The following PRAMEF33 variants were observed in gnomAD, a reference collection of about 807,000 sequenced individuals.
The protein encoded by PRAMEF33 is PRAME family member 33.
PRAMEF33 carries 5 observed loss-of-function variants against 28.1 expected under a neutral mutation model. That is an observed-to-expected ratio of 0.18 (90% CI 0.09 to 0.37). The LOEUF (loss-of-function observed/expected upper bound fraction) is 0.37, where lower values mean the gene tolerates loss of function less well. Ranked by LOEUF, PRAMEF33 falls within the 10% of genes least tolerant of loss-of-function variation. PRAMEF33 has a pLI of 1.00. For missense variants in PRAMEF33, 62 were observed against 471.1 expected (o/e 0.13, Z 8.04); for synonymous variants, 28 against 183.2 (o/e 0.15, Z 6.84).
chr1:13,304,364 C>A (rs1290853824), intron 1 of PRAMEF33: 1 of 145,380 alleles, frequency 6.9e-6, no homozygotes, highest in Non-Finnish European at 1.5e-5. Flanking sequence ...GCTCATACCA[C>A]TGCTGTACTC....
chr1:13,304,285 C>T (rs1361393685), intron 1 of PRAMEF33: 1 of 147,836 alleles, frequency 6.8e-6, no homozygotes, highest in Non-Finnish European at 1.5e-5. Flanking sequence ...CATCTGTCTT[C>T]CCAACTGTAT....
chr1:13,304,203 C>G (rs1164162160), intron 1 of PRAMEF33: 2 of 151,000 alleles, frequency 1.3e-5, no homozygotes, highest in African/African-American at 2.4e-5. Context: ...GCTGGGATTA[C>G]AGCCATGAGC....
At chr1:13,307,947 G>T (rs1159896796) in intron 3 of PRAMEF33, 1 of 217,068 alleles carries the variant, frequency 4.6e-6, no homozygotes, top group Non-Finnish European at 9.6e-6. Context: ...CTAATTCCCT[G>T]TCTGTAAAAC....
rs1639902290 is a variant in PRAMEF33 at position 13,308,809 on chromosome 1, G to GATC, written c.1348_1350dup (p.Ile450dup). 6.2e-7 allele frequency: 1 copy of GATC among 1,601,192 alleles called. No individual in the cohort carries two copies. Among genetic ancestry groups the GATC allele is most frequent in the Admixed American group, 1.7e-5 (1 of 59,180 alleles). Reference sequence around the variant, plus strand: ...TCAGGGAAGTCAGGCAGCCCAAGAGGATCTTCTTTGGTCCCGTCCCTTGCC... The same window carrying GATC: ...TCAGGGAAGTCAGGCAGCCCAAGAGGATCATCTTCTTTGGTCCCGTCCCTTGCC... On this transcript the variant is annotated inframe_insertion, in exon 4 of 4. Transcript: ENST00000437300.
Position 13,305,418 on chromosome 1 carries a change from G to C in PRAMEF33, c.-25-512G>C, listed in dbSNP as rs1639848103. On this transcript the variant is annotated intron_variant, in intron 1 of 3. Transcript: ENST00000437300. ...TGTGTATTGGAAACATCTGTGTCTT[G>C]CGAATGATGCATAACACTGTCACAC... 3 of 148,344 alleles carry C rather than the reference G, an allele frequency of 2.0e-5. 1 individual carries two copies. Among genetic ancestry groups the C allele is most frequent in the African/African-American group, 6.4e-5 (2 of 31,330 alleles). 9.2% of individuals were successfully genotyped at this position (148,344 alleles called of 1,614,324 possible). A position where few individuals can be genotyped will look rare whatever the true frequency, so the allele number is the denominator to read the frequency against.
At chr1:13,304,254 T>TTGTATGG (rs1187107204) in intron 1 of PRAMEF33, 1 of 149,134 alleles carries the variant, frequency 6.7e-6, no homozygotes, top group Non-Finnish European at 1.5e-5. Flanking sequence ...TATTTTTTAA[T>TTGTATGG]TAGCCGGGCA....
Position 13,308,854 on chromosome 1 carries a change from A to G in PRAMEF33, c.1392A>G (p.Pro464=), listed in dbSNP as rs1465080321. ...PVPCPTCGSW[P]SEKVDFHLCS ...CTTGCCCTACCTGTGGCTCATGGCCATCTGAGAAAGTGGACTTCCATCTTT... is the reference window on the plus strand; with the variant it reads ...CTTGCCCTACCTGTGGCTCATGGCCGTCTGAGAAAGTGGACTTCCATCTTT... Residue 464 remains proline (P), a synonymous_variant, in exon 4 of 4, where the codon CCA becomes CCG. Coordinates refer to ENST00000437300, the MANE Select transcript of PRAMEF33 (RefSeq NM_001291381.1). 32 of 1,605,012 alleles carry G rather than the reference A, an allele frequency of 2.0e-5. No homozygotes were observed. Among genetic ancestry groups the G allele is most frequent in the Non-Finnish European group, 2.6e-5 (30 of 1,176,326 alleles).
In PRAMEF33 at chr1:13,308,801, C is replaced by T. The variant is rs782781400; in HGVS notation, c.1339C>T (p.Pro447Ser). 100 of 1,589,338 alleles carry T rather than the reference C, an allele frequency of 6.3e-5. 1 individual carries two copies. The East Asian group carries it at 2.1e-3, about 34-fold the overall frequency. Residue 447 changes from proline (P) to serine (S), a missense_variant, in exon 4 of 4, where the codon CCC (proline) becomes TCC (serine). Coordinates refer to ENST00000437300, the MANE Select transcript of PRAMEF33 (RefSeq NM_001291381.1). ...LMRTLREVRQ[P>S]KRIFFGPVPC... ...GCGTACACTCAGGGAAGTCAGGCAG[C>T]CCAAGAGGATCTTCTTTGGTCCCGT... is the stretch of plus-strand genomic sequence containing the variant.
Position 13,306,222 on chromosome 1 carries a change from GC to G in PRAMEF33, c.271del (p.Gln91ArgfsTer39). On this transcript the variant is annotated frameshift_variant, in exon 2 of 4. Coordinates refer to ENST00000437300, the MANE Select transcript of PRAMEF33 (RefSeq NM_001291381.1). LOFTEE classifies it high-confidence loss of function. ...CCTGAGGGGACTTGATACACTGGTGGCCCAGAAGGTTCGCCCCAGGTGAGGT... is the reference window on the plus strand; with the variant it reads ...CCTGAGGGGACTTGATACACTGGTGGCCAGAAGGTTCGCCCCAGGTGAGGT... The part of the protein sequence containing the change: ...AVLRGLDTLV[A>X]QKVRPRRWKL... The G allele has an allele frequency of 1.4e-6, 2 of 1,449,994 alleles. No homozygotes were observed. The highest frequency in any genetic ancestry group is 1.9e-6 in the Non-Finnish European group (2 of 1,070,696). 89.8% of individuals were successfully genotyped at this position (1,449,994 alleles called of 1,614,324 possible).
chr1:13,304,039 T>C (rs1238903080), intron 1 of PRAMEF33: 1 of 151,174 alleles, frequency 6.6e-6, no homozygotes, highest in Non-Finnish European at 1.5e-5. Flanking sequence ...GCAATTCTCA[T>C]GCCTCAGCCT....
rs200269882 is a variant in PRAMEF33, at chr1:13,308,343, C to T, written c.881C>T (p.Pro294Leu). 70,654 of 1,127,042 alleles carry T rather than the reference C, an allele frequency of 0.063. 2,041 individuals carry two copies. Among genetic ancestry groups the T allele is most frequent in the Middle Eastern group, 0.11 (356 of 3,376 alleles). The allele number at this position is 1,127,042 out of a possible 1,614,324, so 69.8% of individuals were successfully genotyped here. A position where few individuals can be genotyped will look rare whatever the true frequency, so the allele number is the denominator to read the frequency against. ...LEHLLRYLKN[P>L]LGAFIFSDAY... ...GCTCTCCCCAGGTACCTCAAGAACC[C>T]CTTGGGGGCCTTTATATTCAGTGAT... Residue 294 changes from proline (P) to leucine (L), a missense_variant, in exon 4 of 4, where the codon CCC becomes CTC. Physicochemically the swap from Pro to Leu is moderately conservative, Grantham distance 98. Transcript: ENST00000437300.
At chr1:13,304,242 C>G (rs1205489576) in intron 1 of PRAMEF33, 2 of 149,736 alleles carry the variant, frequency 1.3e-5, no homozygotes, top group Admixed American at 6.6e-5. Context: ...ACAAAATATA[C>G]ATATTTTTTA....
intron 2 of PRAMEF33, 24 bp from the exon 3 acceptor site, chr1:13,306,614 G>A (rs1316187402): frequency 9.9e-7 from 1 of 1,013,136 alleles, no homozygotes; most frequent in Admixed American, 2.1e-5. Flanking sequence ...TACATTCTGA[G>A]CTTTTCCCCT....
Position 13,306,126 on chromosome 1 carries a change from GC to G in PRAMEF33, c.174del (p.Trp59GlyfsTer11), listed in dbSNP as rs1187833395. 1 of 1,560,642 alleles carries G rather than the reference GC, an allele frequency of 6.4e-7. No individual in the cohort carries two copies. The highest frequency in any genetic ancestry group is 8.8e-7 in the Non-Finnish European group (1 of 1,137,334). On this transcript the variant is annotated frameshift_variant, in exon 2 of 4. Coordinates refer to ENST00000437300, the MANE Select transcript of PRAMEF33 (RefSeq NM_001291381.1). LOFTEE classifies it high-confidence loss of function. Reference sequence around the variant, plus strand: ...TGAGGCCCTGAAGCTGATGGTGCAGGCCTGGCCCTTCCTCCGCCTCCCTCTG... The same window carrying G: ...TGAGGCCCTGAAGCTGATGGTGCAGGCTGGCCCTTCCTCCGCCTCCCTCTG... Reference protein sequence around the residue: ...RFEALKLMVQAWPFLRLPLGS... With the variant: ...RFEALKLMVQXWPFLRLPLGS...
At chr1:13,305,645 T>G (rs1269082741) in intron 1 of PRAMEF33, 1 of 350,386 alleles carries the variant, frequency 2.9e-6, no homozygotes, top group Non-Finnish European at 5.0e-6. Context: ...GATCCGAGCT[T>G]CAGAGATCCT....
At chr1:13,304,290 C>T (rs1345434616) in intron 1 of PRAMEF33, 4 of 147,746 alleles carry the variant, frequency 2.7e-5, no homozygotes, top group Non-Finnish European at 4.5e-5. Flanking sequence ...GTCTTCCCAA[C>T]TGTATGGGTT....
intron 1 of PRAMEF33, chr1:13,305,629 G>GTA (rs1639850245): frequency 1.0e-5 from 3 of 292,130 alleles, no homozygotes; most frequent in African/African-American, 8.0e-5. Flanking sequence ...GATTAGCTGG[G>GTA]CATGAGATCC....
rs1374596172 is a variant in PRAMEF33 at position 13,308,807 on chromosome 1, A to G, written c.1345A>G (p.Arg449Gly). The G allele has an allele frequency of 1.2e-5, 19 of 1,600,782 alleles. 1 individual carries two copies. The Admixed American group carries it at 3.2e-4, about 27-fold the overall frequency. Reference sequence around the variant, plus strand: ...ACTCAGGGAAGTCAGGCAGCCCAAGAGGATCTTCTTTGGTCCCGTCCCTTG... The same window carrying G: ...ACTCAGGGAAGTCAGGCAGCCCAAGGGGATCTTCTTTGGTCCCGTCCCTTG... Reference protein sequence around the residue: ...RTLREVRQPKRIFFGPVPCPT... With the variant: ...RTLREVRQPKGIFFGPVPCPT... The change falls in exon 4 of 4, where the codon AGG becomes GGG. Residue 449 changes from arginine (R) to glycine (G), a missense_variant. Arg to Gly is a moderately radical substitution (Grantham distance 125). Transcript: ENST00000437300.
Position 13,308,439 on chromosome 1 carries a change from G to A in PRAMEF33, c.977G>A (p.Arg326His), listed in dbSNP as rs200390717. The A allele has an allele frequency of 0.031, 24,906 of 792,302 alleles. 1,528 individuals are homozygous for A. The highest frequency in any genetic ancestry group is 0.064 in the African/African-American group (2,537 of 39,512). The allele number at this position is 792,302 out of a possible 1,614,324, so 49.1% of individuals were successfully genotyped here. A position where few individuals can be genotyped will look rare whatever the true frequency, so the allele number is the denominator to read the frequency against. Residue 326 changes from arginine to histidine, a missense_variant, in exon 4 of 4, where the codon CGT becomes CAT. By Grantham distance (29) the Arg-to-His change is conservative (BLOSUM62 0). Coordinates refer to ENST00000437300, the MANE Select transcript of PRAMEF33 (RefSeq NM_001291381.1). Reference sequence around the variant, plus strand: ...AGCCTCAGTCAGCTAAAGGAGCTGCGTCTGATTCATATCCTAATGTGGACC... The same window carrying A: ...AGCCTCAGTCAGCTAAAGGAGCTGCATCTGATTCATATCCTAATGTGGACC... ...YPSLSQLKEL[R>H]LIHILMWTTN...
Sources: gnomAD v4.1 joint callset for allele counts on GRCh38, gnomAD v4.1.1 for gene constraint, MANE v1.5 for transcripts, NCBI Gene and HGNC (gene_info 2026-07-23, HGNC 2026-07-21) for gene names.